Variants in PMFBP1 observed in about 807,000 individuals in gnomAD.
PMFBP1 encodes the protein polyamine modulated factor 1 binding protein 1.
PMFBP1 carries 131 observed loss-of-function variants against 137.8 expected under a neutral mutation model. The observed-to-expected ratio is 0.95, with a 90% CI of 0.82 to 1.10. PMFBP1 has a LOEUF of 1.10. Ranked by LOEUF, PMFBP1 falls within the 50% of genes least tolerant of loss-of-function variation. PMFBP1 has a pLI of 0.00. For synonymous variants in PMFBP1, 490 were observed against 450.4 expected (o/e 1.09, Z -1.11); for missense variants, 1,199 against 1,175.4 (o/e 1.02, Z -0.29).
Position 72,119,236 on chromosome 16 carries a change from T to A in PMFBP1, c.*102A>T. On this transcript the variant is annotated 3_prime_UTR_variant, in exon 21 of 21. Coordinates refer to ENST00000237353, the MANE Select transcript of PMFBP1 (RefSeq NM_031293.3). The stretch of plus-strand genomic sequence containing the variant: ...AAAATAGGCTGGGACCGTGATATAC[T>A]CCTGTAAGAGCTGATCCAGGTCAAG... The A allele has an allele frequency of 7.5e-7, 1 of 1,328,240 alleles. No individual in the cohort carries two copies. The highest frequency in any genetic ancestry group is 1.2e-5 in the South Asian group (1 of 83,346). 82.3% of individuals were successfully genotyped at this position (1,328,240 alleles called of 1,614,324 possible).
the PMFBP1 span, among the ~76,000 whole-genome samples, chr16:72,187,759 A>T: frequency 7.9e-5 from 12 of 152,342 alleles, no homozygotes; most frequent in African/African-American, 2.9e-4. Context: ...GTGGATGTGA[A>T]ATTGGCTGTT....
At chr16:72,127,893 A>C (rs2042485895) in intron 14 of PMFBP1, among the ~76,000 whole-genome samples, 1 of 152,228 alleles carries the variant, frequency 6.6e-6, no homozygotes, top group African/African-American at 2.4e-5. Context: ...TTATTTTTAT[A>C]TTATGAGGGA....
Position 72,128,710 on chromosome 16 carries a change from A to G in PMFBP1, c.2035T>C (p.Ser679Pro), listed in dbSNP as rs2042500346. 1 of 1,614,144 alleles carries G rather than the reference A, an allele frequency of 6.2e-7. No homozygotes were observed. Among genetic ancestry groups the G allele is most frequent in the South Asian group, 1.1e-5 (1 of 91,084 alleles). The change falls in exon 14 of 21, where the codon TCT (serine) becomes CCT (proline). Residue 679 changes from serine (S) to proline (P), a missense_variant. Physicochemically the swap from Ser to Pro is moderately conservative, Grantham distance 74. Transcript: ENST00000237353. ...TGGCTGGTGTTGTATTTGTTGAGAG[A>G]GGATTCCAGTTGTGTAGAACAACAC... ...LQCCSTQLES[S>P]LNKYNTSQQV...
chr16:72,193,788 A>G, the PMFBP1 span, among the ~76,000 whole-genome samples: 2 of 151,802 alleles, frequency 1.3e-5, no homozygotes, highest in Non-Finnish European at 2.9e-5. Flanking sequence ...ACAAAAATTC[A>G]AACATCTGTA....
the PMFBP1 span, among the ~76,000 whole-genome samples, chr16:72,241,391 T>C: frequency 2.0e-5 from 3 of 152,238 alleles, no homozygotes; most frequent in Non-Finnish European, 2.9e-5. Flanking sequence ...TCTCATATTA[T>C]GTCATTTTCC....
the PMFBP1 span, among the ~76,000 whole-genome samples, chr16:72,235,619 C>A: frequency 1.3e-5 from 2 of 151,740 alleles, no homozygotes; most frequent in Non-Finnish European, 2.9e-5. Flanking sequence ...ATACGGTCAT[C>A]TTGACAGCTG....
At chr16:72,156,365 T>A (rs1289252876) in intron 3 of PMFBP1, among the ~76,000 whole-genome samples, 1 of 147,770 alleles carries the variant, frequency 6.8e-6, no homozygotes, top group African/African-American at 2.5e-5. Context: ...ACGCCTGTAA[T>A]CCCAGGACTT....
At chr16:72,244,168 A>G in the PMFBP1 span, among the ~76,000 whole-genome samples, 1 of 152,212 alleles carries the variant, frequency 6.6e-6, no homozygotes, top group Non-Finnish European at 1.5e-5. Flanking sequence ...AAGTGATCAC[A>G]TTAACCTCCT....
At chr16:72,117,725 GAGT>G (rs2042322784), downstream of PMFBP1, among the ~76,000 whole-genome samples, 1 of 131,616 alleles carries the variant, frequency 7.6e-6, no homozygotes, top group African/African-American at 2.9e-5. Flanking sequence ...ATTCATAAAA[GAGT>G]GTTGTTGTAA....
In PMFBP1 at chr16:72,130,691, A is replaced by AGCCT; in HGVS notation, c.1475_1478dup (p.Ala494GlyfsTer47). 1.2e-6 allele frequency: 2 copies of AGCCT among 1,613,484 alleles called. No homozygotes were observed. Among genetic ancestry groups the AGCCT allele is most frequent in the South Asian group, 2.2e-5 (2 of 91,066 alleles). On this transcript the variant is annotated frameshift_variant, in exon 11 of 21. Transcript: ENST00000237353. LOFTEE classifies it high-confidence loss of function. ...CCTCCAGGTGACAGCCTGCCAGTGC[A>AGCCT]GCCTCTTCTTTGCACTGGGCTGCTT...
At chr16:72,140,346 C>G in intron 6 of PMFBP1, 66 bp downstream of exon 6, 1 of 1,471,776 alleles carries the variant, frequency 6.8e-7, no homozygotes, top group East Asian at 2.3e-5. Context: ...CTCTTTTCCC[C>G]TCCTTTCTCT....
At chr16:72,176,685 A>G (rs1458685781), upstream of PMFBP1, 2 of 152,216 alleles carry the variant, frequency 1.3e-5, no homozygotes, top group Middle Eastern at 3.2e-3. Flanking sequence ...GGATAGAAGG[A>G]GCAATTTCTA....
intron 4 of PMFBP1, among the ~76,000 whole-genome samples, chr16:72,152,356 G>T (rs1334934042): frequency 6.6e-6 from 1 of 152,120 alleles, no homozygotes; most frequent in East Asian, 1.9e-4. Context: ...TCTACTGGGG[G>T]CAGCAATGCA....
chr16:72,122,958 G>A lies in PMFBP1; in HGVS notation c.2724C>T (p.Leu908=). 3.1e-6 allele frequency: 5 copies of A among 1,613,366 alleles called. No homozygotes were observed. The highest frequency in any genetic ancestry group is 4.2e-6 in the Non-Finnish European group (5 of 1,179,982). Residue 908 remains leucine, a synonymous_variant, in exon 19 of 21, where the codon CTC becomes CTT. Coordinates refer to ENST00000237353, the MANE Select transcript of PMFBP1 (RefSeq NM_031293.3). ...TGGCAATGTATTTCACCTGCTCTCGGAGCTGGTTTCCTAGTTTCTCATTGG... is the reference window on the plus strand; with the variant it reads ...TGGCAATGTATTTCACCTGCTCTCGAAGCTGGTTTCCTAGTTTCTCATTGG... The part of the protein sequence containing the change: ...KVANEKLGNQ[L]REQVKYIAKL...
chr16:72,230,151 A>G, the PMFBP1 span, among the ~76,000 whole-genome samples: 1 of 152,184 alleles, frequency 6.6e-6, no homozygotes, highest in Non-Finnish European at 1.5e-5. Flanking sequence ...GCTTTTACTG[A>G]CTGGTAAGGA....
the PMFBP1 span, among the ~76,000 whole-genome samples, chr16:72,188,082 G>T: frequency 1.3e-5 from 2 of 152,184 alleles, no homozygotes; most frequent in African/African-American, 4.8e-5. Context: ...ACTATAGAAT[G>T]CCGTCAGCCA....
chr16:72,156,228 C>G (rs377734666), intron 3 of PMFBP1, among the ~76,000 whole-genome samples: 108 of 152,264 alleles, frequency 7.1e-4, no homozygotes, highest in African/African-American at 2.6e-3. Context: ...CTCATGCGAT[C>G]TGCCCACCTT....
the PMFBP1 span, among the ~76,000 whole-genome samples, chr16:72,239,667 G>A: frequency 6.6e-6 from 1 of 151,954 alleles, no homozygotes; most frequent in Non-Finnish European, 1.5e-5. Flanking sequence ...GCCGAGGCGG[G>A]TGGATCACAA....
chr16:72,129,469 T>C (rs868634092), intron 12 of PMFBP1, among the ~76,000 whole-genome samples: 12 of 152,218 alleles, frequency 7.9e-5, no homozygotes, highest in Admixed American at 3.3e-4. Flanking sequence ...CAGCTTTCTC[T>C]CCCACTTTCT....
Sources: allele counts gnomAD v4.1 joint callset (sites outside exome capture counted in the v4.1 genomes callset), GRCh38; gene constraint gnomAD v4.1.1; transcripts MANE v1.5; gene names NCBI Gene and HGNC (gene_info 2026-07-23, HGNC 2026-07-21).